The following SOBP variants were observed in gnomAD, a reference collection of about 807,000 sequenced individuals.
The protein encoded by SOBP is sine oculis-binding protein homolog.
In SOBP, 4 loss-of-function variants were observed where a neutral mutation model predicts 53.6. The ratio of observed to expected loss-of-function variants is 0.07; its 90% CI spans 0.04 to 0.17. The LOEUF is 0.17. Ranked by LOEUF, SOBP falls within the 10% of genes least tolerant of loss-of-function variation. The probability of loss-of-function intolerance (pLI) is 1.00; values close to 1 mark genes in which losing one functional copy is unlikely to be tolerated. For synonymous variants in SOBP, 584 were observed against 522.6 expected (o/e 1.12, Z -1.60); for missense variants, 1,088 against 1,204.7 (o/e 0.90, Z 1.43).
Position 107,564,446 on chromosome 6 carries a change from G to A in SOBP, c.574-22634G>A, listed in dbSNP as rs562909115. ...AATTTTATGACCAATAACATTTGTC[G>A]TTACACATGCTACAAGAAGGTTAAT... On this transcript the variant is annotated intron_variant, in intron 4 of 6. Transcript: ENST00000317357. Among the ~76,000 whole-genome samples the A allele has an allele frequency of 1.1e-3, 174 of 152,278 alleles. 1 individual carries two copies. The highest frequency in any genetic ancestry group is 1.5e-3 in the Non-Finnish European group (99 of 68,028).
At chr6:107,561,897 T>C (rs1411435980) in intron 4 of SOBP, among the ~76,000 whole-genome samples, 1 of 152,200 alleles carries the variant, frequency 6.6e-6, no homozygotes, top group South Asian at 2.1e-4. Flanking sequence ...CCTTGAATGG[T>C]GTGTCACACA....
At chr6:107,496,758 T>G (rs1782708171) in intron 1 of SOBP, among the ~76,000 whole-genome samples, 1 of 152,198 alleles carries the variant, frequency 6.6e-6, no homozygotes, top group South Asian at 2.1e-4. Context: ...GACCCTCCAG[T>G]GGGTCATCTG....
At chr6:107,627,427 G>C (rs1770509891) in intron 5 of SOBP, among the ~76,000 whole-genome samples, 1 of 152,226 alleles carries the variant, frequency 6.6e-6, no homozygotes, top group Non-Finnish European at 1.5e-5. Flanking sequence ...ATCTGCTCCT[G>C]TGACCTGGGC....
chr6:107,648,040 T>C (rs1771636091), intron 6 of SOBP, among the ~76,000 whole-genome samples: 1 of 152,180 alleles, frequency 6.6e-6, no homozygotes, highest in South Asian at 2.1e-4. Flanking sequence ...GCTAATGGGC[T>C]GGTCATAAAG....
At chr6:107,542,973 C>G (rs973213964) in intron 4 of SOBP, among the ~76,000 whole-genome samples, 1 of 152,062 alleles carries the variant, frequency 6.6e-6, no homozygotes, top group Non-Finnish European at 1.5e-5. Flanking sequence ...TTCTCAAGCT[C>G]TAGCCTTAGA....
chr6:107,633,901 A>G lies in SOBP; in HGVS notation c.1057A>G (p.Ile353Val). 1 of 1,614,124 alleles carries G rather than the reference A, an allele frequency of 6.2e-7. No individual in the cohort carries two copies. Among genetic ancestry groups the G allele is most frequent in the Non-Finnish European group, 8.5e-7 (1 of 1,180,020 alleles). Residue 353 changes from isoleucine to valine, a missense_variant, in exon 6 of 7, where the codon ATC becomes GTC. Around this residue, in one of 6 missense-constraint regions of SOBP, gnomAD observed 211 missense variants for 258.9 expected, o/e 0.82. Transcript: ENST00000317357. ...AATCCCCACGCCAGTGCCCAAGTCC[A>G]TCCCCATCAGCGAGACTCCAAATAT... ...TKIPTPVPKS[I>V]PISETPNIPP...
chr6:107,656,324 AAAG>A, intron 6 of SOBP, among the ~76,000 whole-genome samples: 1 of 7,818 alleles, frequency 1.3e-4, no homozygotes, highest in Non-Finnish European at 3.3e-4. Context: ...AGAAAGAAAG[AAAG>A]AAAGAAAGAA....
chr6:107,562,362 T>G (rs1319448949), intron 4 of SOBP, among the ~76,000 whole-genome samples: 1 of 152,158 alleles, frequency 6.6e-6, no homozygotes, highest in Non-Finnish European at 1.5e-5. Context: ...GATGGTATAT[T>G]AAAAGGAAGC....
chr6:107,617,047 G>T (rs1475344432), intron 5 of SOBP, among the ~76,000 whole-genome samples: 2 of 152,176 alleles, frequency 1.3e-5, no homozygotes, highest in Admixed American at 1.3e-4. Flanking sequence ...GAAATGGGAG[G>T]AGGCAGGGAA....
intron 5 of SOBP, among the ~76,000 whole-genome samples, chr6:107,627,963 C>T (rs1175727645): frequency 1.3e-5 from 2 of 152,150 alleles, no homozygotes; most frequent in African/African-American, 2.4e-5. Context: ...TCTGCCATGG[C>T]AGGTTGGGGT....
chr6:107,539,772 A>G (rs1252945462), intron 4 of SOBP, among the ~76,000 whole-genome samples: 3 of 152,190 alleles, frequency 2.0e-5, no homozygotes, highest in Non-Finnish European at 4.4e-5. Flanking sequence ...AGTCACTTAC[A>G]TTTCCAACTC....
intron 5 of SOBP, among the ~76,000 whole-genome samples, chr6:107,610,077 T>G (rs916794656): frequency 2.6e-5 from 4 of 152,330 alleles, no homozygotes; most frequent in Middle Eastern, 3.4e-3. Context: ...CCCCTTGTAC[T>G]GCCACATAGG....
chr6:107,544,884 G>A (rs1437927308), intron 4 of SOBP, among the ~76,000 whole-genome samples: 1 of 152,142 alleles, frequency 6.6e-6, no homozygotes, highest in East Asian at 1.9e-4. Flanking sequence ...TGCCTGCTCT[G>A]ACTTTTCGAT....
At chr6:107,495,764 C>G (rs532271027) in intron 1 of SOBP, among the ~76,000 whole-genome samples, 1 of 152,314 alleles carries the variant, frequency 6.6e-6, no homozygotes, top group East Asian at 1.9e-4. Flanking sequence ...AAGGTAGTCT[C>G]TTGTTAGGGT....
chr6:107,559,570 C>A (rs900981655), intron 4 of SOBP, among the ~76,000 whole-genome samples: 1 of 152,230 alleles, frequency 6.6e-6, no homozygotes, highest in African/African-American at 2.4e-5. Flanking sequence ...GATCCACAGT[C>A]AGAGGATCCT....
chr6:107,519,492 G>A (rs563397564), intron 3 of SOBP, among the ~76,000 whole-genome samples: 44 of 152,226 alleles, frequency 2.9e-4, no homozygotes, highest in African/African-American at 9.9e-4. Context: ...TTGGGCGTGT[G>A]CATTCTGAAA....
intron 4 of SOBP, among the ~76,000 whole-genome samples, chr6:107,573,380 A>T (rs1785132449): frequency 6.6e-6 from 1 of 152,132 alleles, no homozygotes; most frequent in South Asian, 2.1e-4. Context: ...CAGAAAAGAA[A>T]GCAGATTTGT....
chr6:107,631,199 C>T (rs1041022347), intron 5 of SOBP, among the ~76,000 whole-genome samples: 2 of 152,106 alleles, frequency 1.3e-5, no homozygotes, highest in African/African-American at 4.8e-5. Context: ...AAACCCTTCT[C>T]CCTTATGGCT....
chr6:107,579,736 C>T (rs933719654), intron 4 of SOBP, among the ~76,000 whole-genome samples: 4 of 152,182 alleles, frequency 2.6e-5, no homozygotes, highest in Admixed American at 6.5e-5. Flanking sequence ...ATTCGATTCC[C>T]ATTATCTTCA....
Sources: gnomAD v4.1 joint callset for allele counts (sites outside exome capture counted in the v4.1 genomes callset) on GRCh38, gnomAD v4.1.1 for gene constraint, gnomAD v4.1.1 regional missense constraint, MANE v1.5 for transcripts, NCBI Gene and HGNC (gene_info 2026-07-23, HGNC 2026-07-21) for gene names.